SHPRH: variants seen among roughly 807,000 people sequenced by gnomAD.
SHPRH encodes E3 ubiquitin-protein ligase SHPRH.
A neutral mutation model predicts 202.5 loss-of-function variants in SHPRH; 106 were observed. The ratio of observed to expected loss-of-function variants is 0.52; its 90% CI spans 0.45 to 0.62. SHPRH has a LOEUF of 0.62. SHPRH is among the 20% of genes least tolerant of loss of function. The probability of loss-of-function intolerance (pLI) is 0.00; values close to 1 mark genes in which losing one functional copy is unlikely to be tolerated. For synonymous variants in SHPRH, 729 were observed against 686.0 expected, an observed-to-expected ratio of 1.06 and a Z score of -0.98; for missense variants, 1,710 against 2,020.0, an observed-to-expected ratio of 0.85 and a Z score of 2.94.
At chr6:145,946,422 T>G (rs1343344091) in intron 6 of SHPRH, 81 bp from the exon 7 acceptor site, 1 of 1,142,244 alleles carries the variant, frequency 8.8e-7, no homozygotes, top group East Asian at 2.6e-5. Flanking sequence ...ACTTTCCTTC[T>G]TTATGGAAAT....
chr6:145,880,721 T>A (rs1780524088), downstream of SHPRH, among the ~76,000 whole-genome samples: 2 of 151,668 alleles, frequency 1.3e-5, no homozygotes, highest in South Asian at 4.1e-4. Flanking sequence ...GAGTATAAAT[T>A]AGAAACTATA....
At chr6:145,955,786 T>C (rs887016171) in intron 1 of SHPRH, among the ~76,000 whole-genome samples, 1 of 149,616 alleles carries the variant, frequency 6.7e-6, no homozygotes, top group Non-Finnish European at 1.5e-5. Context: ...GCAAAAAAAA[T>C]GAAAATAAAA....
At chr6:145,866,306 A>G (rs913286424) in intron 2 of SHPRH, among the ~76,000 whole-genome samples, 1 of 152,246 alleles carries the variant, frequency 6.6e-6, no homozygotes, top group Non-Finnish European at 1.5e-5. Flanking sequence ...TATGAAAGTC[A>G]CACTTTAACC....
chr6:145,891,786 G>T (rs1229321888), intron 28 of SHPRH, among the ~76,000 whole-genome samples: 1 of 152,110 alleles, frequency 6.6e-6, no homozygotes. Flanking sequence ...TGACTTGCGA[G>T]GCATAGTAAG....
chr6:145,898,519 G>A (rs547778627), intron 25 of SHPRH, among the ~76,000 whole-genome samples: 37 of 152,250 alleles, frequency 2.4e-4, no homozygotes, highest in South Asian at 2.1e-4. Flanking sequence ...GATACCCAGC[G>A]TGGAGGTTTT....
chr6:145,920,494 ATC>A lies in SHPRH; in HGVS notation c.4008+671_4008+672del, dbSNP rs142357284. ...ATATGAACTGATAGTACAAATAACTATCTCTCTGCATAAAAATTTTTATCCTA... is the reference window on the plus strand; with the variant it reads ...ATATGAACTGATAGTACAAATAACTATCTCTGCATAAAAATTTTTATCCTA... On this transcript the variant is annotated intron_variant, in intron 21 of 29. Coordinates refer to ENST00000275233, the MANE Select transcript of SHPRH (RefSeq NM_001042683.3). 4.2e-3 allele frequency among the ~76,000 whole-genome samples: 640 copies of A among 152,222 alleles called. 17 individuals carry two copies. The East Asian group carries it at 0.071, about 17-fold the overall frequency.
intron 23 of SHPRH, among the ~76,000 whole-genome samples, chr6:145,915,815 T>C (rs1323601591): frequency 1.7e-5 from 2 of 121,120 alleles, no homozygotes; most frequent in African/African-American, 5.2e-5. Context: ...TATTTTGTTT[T>C]TTTCTTTACT....
At position 145,924,728 on chromosome 6, in the gene SHPRH, T is replaced by C; in HGVS notation, c.3402+11A>G. On this transcript the variant is annotated intron_variant, in intron 17 of 29. Transcript: ENST00000275233. ...GCAAATACAAGTAAGAAACACTGCA[T>C]TTTGGCATACCTTTCTTTGAAGCTC... The C allele has an allele frequency of 6.2e-7, 1 of 1,609,718 alleles. No homozygotes were observed. Among genetic ancestry groups the C allele is most frequent in the Non-Finnish European group, 8.5e-7 (1 of 1,177,062 alleles).
At chr6:145,927,750 T>C (rs1362149436) in intron 14 of SHPRH, among the ~76,000 whole-genome samples, 4 of 151,948 alleles carry the variant, frequency 2.6e-5, no homozygotes, top group African/African-American at 7.2e-5. Context: ...CAGAAAAATA[T>C]AGTATTCTTG....
At chr6:145,933,294 C>G in intron 13 of SHPRH, 116 bp from the exon 14 acceptor site, 1 of 1,457,602 alleles carries the variant, frequency 6.9e-7, no homozygotes, top group East Asian at 2.4e-5. Flanking sequence ...TTTGTGGTAT[C>G]TCTAGCATTT....
intron 19 of SHPRH, 149 bp from the exon 20 acceptor site, chr6:145,922,497 T>C (rs1448891934): frequency 8.1e-7 from 1 of 1,236,220 alleles, no homozygotes; most frequent in African/African-American, 1.6e-5. Context: ...TCATACCTTG[T>C]CCTTGAGACT....
In SHPRH at chr6:145,887,899, T is replaced by C. The variant is rs188623959; in HGVS notation, c.4955+121A>G. The C allele has an allele frequency of 2.1e-5, 15 of 710,620 alleles. No individual in the cohort carries two copies. In the African/African-American group the frequency reaches 2.5e-4, roughly 12 times the overall value. The allele number at this position is 710,620 out of a possible 1,614,324, so 44.0% of individuals were successfully genotyped here. On this transcript the variant is annotated intron_variant, in intron 29 of 29. Transcript: ENST00000275233. ...CAGTGAAAAGGCAAAACGTCAGACT[T>C]TGCTTTTAAAAACGTATTTGTGCTA...
intron 16 of SHPRH, among the ~76,000 whole-genome samples, chr6:145,925,638 C>T (rs1784810874): frequency 6.6e-6 from 1 of 151,874 alleles, no homozygotes; most frequent in African/African-American, 2.4e-5. Context: ...TTGATTTTAG[C>T]TCTTTAATGT....
intron 14 of SHPRH, among the ~76,000 whole-genome samples, chr6:145,930,346 T>C (rs1283267348): frequency 6.6e-6 from 1 of 151,740 alleles, no homozygotes; most frequent in Non-Finnish European, 1.5e-5. Context: ...AGCTGAAGTC[T>C]CCGATATGAA....
Position 145,923,751 on chromosome 6 carries a change from A to G in SHPRH, c.3437T>C (p.Ile1146Thr), listed in dbSNP as rs751202228. Residue 1146 changes from isoleucine (I) to threonine (T), a missense_variant, in exon 18 of 30, where the codon ATC becomes ACC. Ile to Thr is a moderately conservative substitution (Grantham distance 89, BLOSUM62 -1). This residue lies in a region of SHPRH where 288 missense variants were observed against 317.8 expected (regional missense o/e 0.91). Coordinates refer to ENST00000275233, the MANE Select transcript of SHPRH (RefSeq NM_001042683.3). ...AATAGTAAATTCTATTGCTCTGTGG[A>G]TCACATTTAGCCACCAAGGAGAATT... The part of the protein sequence containing the change: ...HSNSPWWLNV[I>T]HRAIEFTIDE... 1 of 1,610,674 alleles carries G rather than the reference A, an allele frequency of 6.2e-7. No homozygotes were observed. The highest frequency in any genetic ancestry group is 8.5e-7 in the Non-Finnish European group (1 of 1,177,986).
intron 6 of SHPRH, 111 bp downstream of exon 6, chr6:145,947,382 C>A: frequency 8.1e-7 from 1 of 1,238,708 alleles, no homozygotes; most frequent in Non-Finnish European, 1.1e-6. Context: ...AAATCATTAC[C>A]CACAGAGTGA....
In SHPRH at chr6:145,922,763, C is replaced by A. The variant is rs1307123750; in HGVS notation, c.3619G>T (p.Val1207Leu). The change falls in exon 19 of 30, where the codon GTA (valine) becomes TTA (leucine). Residue 1207 changes from valine (V) to leucine (L), a missense_variant. By Grantham distance (32) the Val-to-Leu change is conservative (BLOSUM62 1). This residue lies in a region of SHPRH where 288 missense variants were observed against 317.8 expected (regional missense o/e 0.91). Transcript: ENST00000275233. Reference protein sequence around the residue: ...MEELNKCQKLVREAVKNLEGP... With the variant: ...MEELNKCQKLLREAVKNLEGP... ...TCCAGGTTTTTTACAGCCTCTCTTA[C>A]TAGCTTCTGGCATTTATTTAGCTCT... The A allele has an allele frequency of 2.5e-6, 4 of 1,612,124 alleles. No individual in the cohort carries two copies. Among genetic ancestry groups the A allele is most frequent in the Non-Finnish European group, 3.4e-6 (4 of 1,178,786 alleles).
At chr6:145,867,631 T>TATAGAGAGAGAGAG (rs1554220329) in intron 2 of SHPRH, among the ~76,000 whole-genome samples, 5 of 22,316 alleles carry the variant, frequency 2.2e-4, no homozygotes, top group Non-Finnish European at 3.8e-4. Flanking sequence ...TATATATATA[T>TATAGAGAGAGAGAG]AGAGAGAGAG....
At chr6:145,886,880 C>T in intron 29 of SHPRH, 93 bp from the exon 30 acceptor site, 1 of 1,358,070 alleles carries the variant, frequency 7.4e-7, no homozygotes, top group Non-Finnish European at 9.8e-7. Context: ...CATATTTTTT[C>T]TTAAGTTTTT....
Sources: allele counts gnomAD v4.1 joint callset (sites outside exome capture counted in the v4.1 genomes callset), GRCh38; gene constraint gnomAD v4.1.1; regional missense constraint gnomAD v4.1.1; transcripts MANE v1.5; gene names NCBI Gene and HGNC (gene_info 2026-07-23, HGNC 2026-07-21).